Variants in NUB1 observed in about 807,000 individuals in gnomAD.
NUB1 encodes negative regulator of ubiquitin like proteins 1, also known as NEDD8 ultimate buster 1.
Under a neutral mutation model 77.1 loss-of-function variants are expected in NUB1, and 41 were observed. The observed-to-expected ratio is 0.53, with a 90% CI of 0.41 to 0.69. The LOEUF (loss-of-function observed/expected upper bound fraction) is 0.69. NUB1 is among the 30% of genes least tolerant of loss of function. NUB1 has a pLI of 0.00. For missense variants in NUB1, 643 were observed against 743.8 expected, an observed-to-expected ratio of 0.86 and a Z score of 1.58; for synonymous variants, 257 against 281.0, an observed-to-expected ratio of 0.91 and a Z score of 0.85.
rs749922815 is a variant in NUB1 at position 151,356,272 on chromosome 7, C to G, written c.693+50C>G. ...CCTGTTCTTAGATTTGTTGTCAGGG[C>G]AGAGGTGGTTTTTTAGTTGCTTTAT... On this transcript the variant is annotated intron_variant, in intron 7 of 14. Coordinates refer to ENST00000568733, the MANE Select transcript of NUB1 (RefSeq NM_001243351.2). The G allele has an allele frequency of 4.3e-6, 6 of 1,380,848 alleles. No individual in the cohort carries two copies. In the African/African-American group the frequency reaches 7.1e-5, roughly 16 times the overall value. 85.5% of individuals were successfully genotyped at this position (1,380,848 alleles called of 1,614,324 possible).
Position 151,349,129 on chromosome 7 carries a change from G to A in NUB1, c.174G>A (p.Lys58=), listed in dbSNP as rs757028706. ...AATGCTGTGAAAATGAAGTAGAAAA[G>A]GTAATAGAAGAAATACGTTGCAAGG... is the stretch of plus-strand genomic sequence containing the variant. ...RLECCENEVE[K]VIEEIRCKAI... is the part of the protein sequence containing the mutation. The change falls in exon 3 of 15, where the codon AAG becomes AAA. Residue 58 remains lysine, a synonymous_variant. Transcript: ENST00000568733. The A allele has an allele frequency of 4.3e-6, 7 of 1,613,546 alleles. No homozygotes were observed. Among genetic ancestry groups the A allele is most frequent in the Non-Finnish European group, 5.9e-6 (7 of 1,179,754 alleles).
intron 13 of NUB1, chr7:151,376,404 T>G (rs1232171678): frequency 5.5e-6 from 3 of 542,880 alleles, no homozygotes; most frequent in Non-Finnish European, 9.8e-6. Context: ...CCGAGGTCAC[T>G]GCCTGTCCTG....
In NUB1 at chr7:151,376,743, C is replaced by T. The variant is rs755558168; in HGVS notation, c.1601C>T (p.Pro534Leu). The change falls in exon 14 of 15, where the codon CCT becomes CTT. Residue 534 changes from proline (P) to leucine (L), a missense_variant. Coordinates refer to ENST00000568733, the MANE Select transcript of NUB1 (RefSeq NM_001243351.2). ...QTLAHNGGSL[P>L]PELPLSPEDS... ...CTTGCTCACAACGGAGGAAGCCTGC[C>T]TCCCGAGCTGCCGCTGTCGCCAGAA... is the stretch of plus-strand genomic sequence containing the variant. 1.9e-6 allele frequency: 3 copies of T among 1,600,220 alleles called. No homozygotes were observed. The highest frequency in any genetic ancestry group is 2.6e-6 in the Non-Finnish European group (3 of 1,174,352).
At chr7:151,359,755 C>T (rs577063981) in intron 7 of NUB1, among the ~76,000 whole-genome samples, 7 of 151,908 alleles carry the variant, frequency 4.6e-5, no homozygotes, top group African/African-American at 1.7e-4. Context: ...CCAGCCTGGA[C>T]GACAGAATGA....
In NUB1 at chr7:151,355,788, G is replaced by C; in HGVS notation, c.436G>C (p.Gly146Arg). 6.2e-7 allele frequency: 1 copy of C among 1,601,210 alleles called. No individual in the cohort carries two copies. Among genetic ancestry groups the C allele is most frequent in the Non-Finnish European group, 8.5e-7 (1 of 1,173,690 alleles). ...TATAGGGAAAACCCTTGAAGAACAA[G>C]GCGTGGCTCACAATGTGAAAGCGAT... Reference protein sequence around the residue: ...LQLGKTLEEQGVAHNVKAMVL... With the variant: ...LQLGKTLEEQRVAHNVKAMVL... Residue 146 changes from glycine (G) to arginine (R), a missense_variant, in exon 6 of 15, where the codon GGC (glycine) becomes CGC (arginine). By Grantham distance (125) the Gly-to-Arg change is moderately radical. Coordinates refer to ENST00000568733, the MANE Select transcript of NUB1 (RefSeq NM_001243351.2).
chr7:151,352,175 T>C (rs1296896987), intron 4 of NUB1: 1 of 456,668 alleles, frequency 2.2e-6, no homozygotes, highest in Non-Finnish European at 4.4e-6. Context: ...TATGGGCTTC[T>C]CCAGGGAGAC....
chr7:151,345,313 T>C, intron 1 of NUB1, 35 bp from the exon 2 acceptor site: 2 of 1,316,136 alleles, frequency 1.5e-6, no homozygotes, highest in African/African-American at 1.5e-5. Context: ...TAAAATGCGA[T>C]GTGGAGTTTT....
intron 11 of NUB1, among the ~76,000 whole-genome samples, chr7:151,372,830 C>T (rs563341041): frequency 1.3e-5 from 2 of 151,824 alleles, no homozygotes; most frequent in African/African-American, 2.4e-5. Context: ...AGGTAGAGCA[C>T]GTAATGGGGG....
intron 1 of NUB1, among the ~76,000 whole-genome samples, chr7:151,344,965 A>T (rs887298779): frequency 6.6e-6 from 1 of 152,132 alleles, no homozygotes; most frequent in Non-Finnish European, 1.5e-5. Flanking sequence ...GCACCACTGC[A>T]CTCCAGCCTG....
chr7:151,375,214 T>C (rs922815036), intron 12 of NUB1, among the ~76,000 whole-genome samples: 7 of 152,346 alleles, frequency 4.6e-5, no homozygotes, highest in African/African-American at 1.4e-4. Flanking sequence ...ATTTAACATA[T>C]ACGTTAAATT....
intron 3 of NUB1, 119 bp downstream of exon 3, chr7:151,349,359 A>G (rs961500338): frequency 5.5e-5 from 45 of 820,578 alleles, no homozygotes; most frequent in Non-Finnish European, 8.5e-5. Flanking sequence ...GTGACTTTAC[A>G]TATTGAACAA....
At chr7:151,363,878 C>G (rs1160280377) in intron 8 of NUB1, among the ~76,000 whole-genome samples, 1 of 151,956 alleles carries the variant, frequency 6.6e-6, no homozygotes, top group Non-Finnish European at 1.5e-5. Flanking sequence ...ACTGTAACCT[C>G]TGCCTCCTGG....
intron 11 of NUB1, among the ~76,000 whole-genome samples, chr7:151,369,579 T>C (rs975938173): frequency 6.6e-6 from 1 of 152,220 alleles, no homozygotes; most frequent in African/African-American, 2.4e-5. Flanking sequence ...TTTGAAACAA[T>C]TAAGTACATT....
chr7:151,374,402 C>A, intron 12 of NUB1, 159 bp downstream of exon 12: 1 of 1,011,024 alleles, frequency 9.9e-7, no homozygotes. Flanking sequence ...AGCCCAGACA[C>A]AGGCTGCGTG....
chr7:151,352,469 G>A, intron 4 of NUB1: 1 of 283,366 alleles, frequency 3.5e-6, no homozygotes, highest in Non-Finnish European at 6.8e-6. Flanking sequence ...TTAGAGACAG[G>A]ATCTTGCTCT....
In NUB1 at chr7:151,368,707, CAT is replaced by C. The variant is rs757382068; in HGVS notation, c.1096-27_1096-26del. 61 of 1,580,916 alleles carry C rather than the reference CAT, an allele frequency of 3.9e-5. No individual in the cohort carries two copies. In the South Asian group the frequency reaches 6.6e-4, roughly 17 times the overall value. On this transcript the variant is annotated intron_variant, in intron 10 of 14. Transcript: ENST00000568733. Reference sequence around the variant, plus strand: ...TAAGCTTTAAGTATTGCCGTGGTTACATGATTCTTACATTTCCCTGTCTCTAG... The same window carrying C: ...TAAGCTTTAAGTATTGCCGTGGTTACGATTCTTACATTTCCCTGTCTCTAG...
intron 11 of NUB1, 69 bp downstream of exon 11, chr7:151,368,956 G>A: frequency 1.4e-6 from 2 of 1,459,042 alleles, no homozygotes; most frequent in Non-Finnish European, 9.2e-7. Flanking sequence ...CCACAGGAGT[G>A]TTAATAACCA....
chr7:151,375,283 G>C (rs1315336638), intron 12 of NUB1, among the ~76,000 whole-genome samples: 1 of 152,150 alleles, frequency 6.6e-6, no homozygotes, highest in African/African-American at 2.4e-5. Flanking sequence ...GAAATATTAA[G>C]AGGTGGGAAA....
chr7:151,344,928 G>GGGCGGAGCGTGAACCCGGGA (rs1554405758), intron 1 of NUB1, among the ~76,000 whole-genome samples: 4 of 152,004 alleles, frequency 2.6e-5, no homozygotes, highest in South Asian at 2.1e-4. Flanking sequence ...TGAACCCAGG[G>GGGCGGAGCGTGAACCCGGGA]GGCGGAGCTT....
Sources: gnomAD v4.1 joint callset for allele counts (sites outside exome capture counted in the v4.1 genomes callset) on GRCh38, gnomAD v4.1.1 for gene constraint, MANE v1.5 for transcripts, NCBI Gene and HGNC (gene_info 2026-07-23, HGNC 2026-07-21) for gene names.